HTR7: variants seen among roughly 807,000 people sequenced by gnomAD.
HTR7 encodes 5-HT-7.
HTR7 carries 16 observed loss-of-function variants against 34.0 expected under a neutral mutation model. The ratio of observed to expected loss-of-function variants is 0.47; its 90% CI spans 0.32 to 0.71. HTR7 has a LOEUF of 0.71. HTR7 is among the 30% of genes least tolerant of loss of function. The probability of loss-of-function intolerance (pLI) is 0.04; values close to 1 mark genes in which losing one functional copy is unlikely to be tolerated. For missense variants in HTR7, 504 were observed against 625.5 expected (o/e 0.81, Z 2.07); for synonymous variants, 265 against 260.2 (o/e 1.02, Z -0.18).
rs1000601387 is a variant in HTR7, at chr10:90,751,853, A to G, written c.540-2259T>C. Among the ~76,000 whole-genome samples the G allele has an allele frequency of 3.2e-4, 48 of 152,284 alleles. 1 individual carries two copies. The highest frequency in any genetic ancestry group is 2.7e-3 in the Admixed American group (41 of 15,304). ...GCCTTCCCACTTAAATAACAATCCC[A>G]TCTTTTTCCTGGCTAAGTAAATAAT... On this transcript the variant is annotated intron_variant, in intron 1 of 3. Coordinates refer to ENST00000336152, the MANE Select transcript of HTR7 (RefSeq NM_019859.4).
chr10:90,743,196 A>T (rs1589431833), intron 3 of HTR7, among the ~76,000 whole-genome samples: 1 of 150,942 alleles, frequency 6.6e-6, no homozygotes, highest in Non-Finnish European at 1.5e-5. Flanking sequence ...CATCTAAAGC[A>T]CCCCCTACCC....
At chr10:90,763,611 C>T (rs1844973250) in intron 1 of HTR7, among the ~76,000 whole-genome samples, 1 of 152,178 alleles carries the variant, frequency 6.6e-6, no homozygotes, top group Non-Finnish European at 1.5e-5. Flanking sequence ...TGCTCTCCCT[C>T]CTCTTGCCCC....
chr10:90,821,620 C>A lies in HTR7; in HGVS notation c.539+35513G>T, dbSNP rs10881835. The stretch of plus-strand genomic sequence containing the variant: ...CTGTGCTGGGTTCAAGGCCAGTGGA[C>A]TTCGGGGACACATGACCTAGTGAGA... On this transcript the variant is annotated intron_variant, in intron 1 of 3. Transcript: ENST00000336152. Among the ~76,000 whole-genome samples, 8 of 152,250 alleles carry A rather than the reference C, an allele frequency of 5.3e-5. No homozygotes were observed. In the East Asian group the frequency reaches 1.5e-3, roughly 29 times the overall value.
intron 1 of HTR7, among the ~76,000 whole-genome samples, chr10:90,802,210 T>C (rs1286067184): frequency 6.6e-6 from 1 of 152,228 alleles, no homozygotes; most frequent in East Asian, 1.9e-4. Flanking sequence ...GTTACTTTTC[T>C]AGTCTCTGCC....
At chr10:90,844,248 A>C (rs373422379) in intron 1 of HTR7, among the ~76,000 whole-genome samples, 4 of 152,336 alleles carry the variant, frequency 2.6e-5, no homozygotes, top group East Asian at 3.9e-4. Flanking sequence ...AGTAGTGCCC[A>C]AACCTATCTG....
At chr10:90,816,387 T>TA (rs1274860028) in intron 1 of HTR7, among the ~76,000 whole-genome samples, 2 of 152,278 alleles carry the variant, frequency 1.3e-5, no homozygotes, top group African/African-American at 4.8e-5. Flanking sequence ...TTCTTTTTAG[T>TA]AAAAAAGGAG....
chr10:90,818,848 C>T (rs1845936353), intron 1 of HTR7, among the ~76,000 whole-genome samples: 1 of 152,168 alleles, frequency 6.6e-6, no homozygotes. Flanking sequence ...GGCAGACTTC[C>T]TCCCTTGCTG....
At chr10:90,805,351 T>A (rs965696310) in intron 1 of HTR7, among the ~76,000 whole-genome samples, 2 of 152,214 alleles carry the variant, frequency 1.3e-5, no homozygotes, top group Non-Finnish European at 2.9e-5. Flanking sequence ...AAAGAACACC[T>A]ATTAAATTAA....
chr10:90,794,423 C>T (rs1006958293), intron 1 of HTR7, among the ~76,000 whole-genome samples: 1 of 152,076 alleles, frequency 6.6e-6, no homozygotes, highest in Non-Finnish European at 1.5e-5. Flanking sequence ...AGTAAACATA[C>T]AAACCAGCAA....
At chr10:90,815,839 T>C (rs769243447) in intron 1 of HTR7, among the ~76,000 whole-genome samples, 3 of 152,238 alleles carry the variant, frequency 2.0e-5, no homozygotes, top group Non-Finnish European at 2.9e-5. Flanking sequence ...TGTACTTTGA[T>C]AGCCCTTTGT....
intron 1 of HTR7, among the ~76,000 whole-genome samples, chr10:90,850,120 A>G (rs941547280): frequency 1.3e-5 from 2 of 152,274 alleles, no homozygotes; most frequent in Non-Finnish European, 2.9e-5. Flanking sequence ...TAAAAGGCAA[A>G]GATGCCAGTG....
intron 1 of HTR7, among the ~76,000 whole-genome samples, chr10:90,816,909 T>C (rs950642025): frequency 3.3e-5 from 5 of 152,254 alleles, no homozygotes; most frequent in Admixed American, 2.0e-4. Flanking sequence ...TTTTTAGCTC[T>C]TTTATTGCAT....
intron 1 of HTR7, among the ~76,000 whole-genome samples, chr10:90,854,759 T>C (rs928723688): frequency 6.6e-6 from 1 of 152,180 alleles, no homozygotes; most frequent in African/African-American, 2.4e-5. Flanking sequence ...ACAGGCTAAA[T>C]GCCCAACAGA....
chr10:90,820,519 G>A (rs1845962934), intron 1 of HTR7, among the ~76,000 whole-genome samples: 1 of 152,174 alleles, frequency 6.6e-6, no homozygotes, highest in Non-Finnish European at 1.5e-5. Flanking sequence ...ATTTTCTTGA[G>A]TTAACCCTTT....
At chr10:90,856,485 G>C (rs1846582545) in intron 1 of HTR7, among the ~76,000 whole-genome samples, 1 of 152,164 alleles carries the variant, frequency 6.6e-6, no homozygotes, top group South Asian at 2.1e-4. Context: ...TCAAGAGAAG[G>C]TTCCCAAGGG....
At chr10:90,755,717 A>G (rs1424558169) in intron 1 of HTR7, among the ~76,000 whole-genome samples, 1 of 152,272 alleles carries the variant, frequency 6.6e-6, no homozygotes, top group East Asian at 1.9e-4. Flanking sequence ...GATAAAAACT[A>G]TAATGCCAAG....
chr10:90,772,226 T>C (rs1384117257), intron 1 of HTR7, among the ~76,000 whole-genome samples: 1 of 152,194 alleles, frequency 6.6e-6, no homozygotes, highest in Non-Finnish European at 1.5e-5. Flanking sequence ...GAGTTTATTA[T>C]TTATTATCAT....
Position 90,749,590 on chromosome 10 carries a change from G to C in HTR7, c.544C>G (p.Leu182Val), listed in dbSNP as rs764490527. The C allele has an allele frequency of 6.2e-7, 1 of 1,605,824 alleles. No individual in the cohort carries two copies. Among genetic ancestry groups the C allele is most frequent in the Admixed American group, 1.7e-5 (1 of 59,612 alleles). The change falls in exon 2 of 4, where the codon CTT becomes GTT. Residue 182 changes from leucine (L) to valine (V), a missense_variant. Leu to Val is a conservative substitution (Grantham distance 32). Transcript: ENST00000336152. This position sits in a 1 kb window ranked among gnomAD's most constrained non-coding sequence, Gnocchi z 4.2. Reference sequence around the variant, plus strand: ...TATGTGAGGGGCCTTGTGATCCCAAGGTACCTAGTGGAGAGATGGAAAGAT... The same window carrying C: ...TATGTGAGGGGCCTTGTGATCCCAACGTACCTAGTGGAGAGATGGAAAGAT... The part of the protein sequence containing the change: ...TLCVISIDRY[L>V]GITRPLTYPV...
chr10:90,834,461 C>G (rs541368116), intron 1 of HTR7, among the ~76,000 whole-genome samples: 8 of 152,156 alleles, frequency 5.3e-5, no homozygotes, highest in Non-Finnish European at 1.2e-4. Flanking sequence ...CAAAACCTTG[C>G]GGCTTAAACC....
Sources: gnomAD v4.1 joint callset for allele counts (sites outside exome capture counted in the v4.1 genomes callset) on GRCh38, gnomAD v4.1.1 for gene constraint, Gnocchi (gnomAD v3.1) non-coding constraint, MANE v1.5 for transcripts, NCBI Gene and HGNC (gene_info 2026-07-23, HGNC 2026-07-21) for gene names.